The following FOXP1 variants were observed in gnomAD, a reference collection of about 807,000 sequenced individuals.
FOXP1 encodes forkhead box protein P1.
Under a neutral mutation model 98.2 loss-of-function variants are expected in FOXP1, and 15 were observed. The ratio of observed to expected loss-of-function variants is 0.15; its 90% CI spans 0.10 to 0.24. The LOEUF (loss-of-function observed/expected upper bound fraction) is 0.24, where lower values mean the gene tolerates loss of function less well. Ranked by LOEUF, FOXP1 falls within the 10% of genes least tolerant of loss-of-function variation. FOXP1 has a pLI of 1.00. For synonymous variants in FOXP1, 371 were observed against 314.5 expected (o/e 1.18, Z -1.90); for missense variants, 633 against 848.5 (o/e 0.75, Z 3.15).
Position 71,499,985 on chromosome 3 carries a change from C to T in FOXP1, c.-297-6430G>A, listed in dbSNP as rs147512784. On this transcript the variant is annotated intron_variant, in intron 2 of 20. Transcript: ENST00000649528. ...GCCCTAAATAAGCATCTGTCTTTAG[C>T]GCTAAGTTCTAATAAAGTTCTGGTA... Among the ~76,000 whole-genome samples, 785 of 152,216 alleles carry T rather than the reference C, an allele frequency of 5.2e-3. 5 individuals are homozygous for T. Among genetic ancestry groups the T allele is most frequent in the African/African-American group, 0.018 (739 of 41,520 alleles).
At chr3:71,391,092 G>C (rs572102090) in intron 3 of FOXP1, among the ~76,000 whole-genome samples, 3 of 152,296 alleles carry the variant, frequency 2.0e-5, no homozygotes, top group Non-Finnish European at 4.4e-5. Context: ...AGGAAATGAT[G>C]AATCTGTATG....
At chr3:71,033,551 G>A (rs774949739) in intron 11 of FOXP1, among the ~76,000 whole-genome samples, 1 of 133,048 alleles carries the variant, frequency 7.5e-6, no homozygotes, top group South Asian at 2.5e-4. Flanking sequence ...ACAGCTGTTA[G>A]AGAATAATGG....
At chr3:71,262,224 C>T (rs561084322) in intron 5 of FOXP1, among the ~76,000 whole-genome samples, 6 of 126,344 alleles carry the variant, frequency 4.7e-5, no homozygotes, top group African/African-American at 1.9e-4. Flanking sequence ...CAAGATTGCG[C>T]CACTGCACTC....
chr3:71,299,701 C>T (rs923539604), intron 5 of FOXP1, 119 bp downstream of exon 5: 1 of 152,562 alleles, frequency 6.6e-6, no homozygotes, highest in Non-Finnish European at 1.5e-5. Context: ...TATGTCCTTA[C>T]ACGCAAATAA....
chr3:70,958,177 C>CATTT lies in FOXP1; in HGVS notation c.*1066_*1069dup, dbSNP rs1416186565. The CATTT allele has an allele frequency of 7.9e-6, 3 of 379,708 alleles. No individual in the cohort carries two copies. Among genetic ancestry groups the CATTT allele is most frequent in the Non-Finnish European group, 1.5e-5 (3 of 201,038 alleles). 23.5% of individuals were successfully genotyped at this position (379,708 alleles called of 1,614,324 possible). A position where few individuals can be genotyped will look rare whatever the true frequency, so the allele number is the denominator to read the frequency against. On this transcript the variant is annotated 3_prime_UTR_variant, in exon 21 of 21. Transcript: ENST00000649528. ...TCCTTGTGCTGGTAGAATGTGGTGG[C>CATTT]ATTTATTAATGGTTGCTGCAAAAAA...
chr3:71,235,798 C>G (rs1424340193), intron 5 of FOXP1, among the ~76,000 whole-genome samples: 1 of 152,170 alleles, frequency 6.6e-6, no homozygotes. Context: ...TATCTCCTGA[C>G]CTCATGATCC....
intron 5 of FOXP1, among the ~76,000 whole-genome samples, chr3:71,267,866 A>C (rs556163940): frequency 6.6e-6 from 1 of 151,908 alleles, no homozygotes; most frequent in African/African-American, 2.4e-5. Context: ...ATAAACACGA[A>C]AATTAGCCAG....
At chr3:71,033,625 A>C (rs79448216) in intron 11 of FOXP1, among the ~76,000 whole-genome samples, 13 of 143,684 alleles carry the variant, frequency 9.0e-5, no homozygotes, top group East Asian at 6.0e-4. Context: ...AAAAAAAAAA[A>C]AACAACCCAT....
chr3:71,158,355 G>A (rs1158819611), intron 6 of FOXP1, among the ~76,000 whole-genome samples: 1 of 151,334 alleles, frequency 6.6e-6, no homozygotes, highest in Admixed American at 6.6e-5. Context: ...ATAATAAATA[G>A]TGCCCAGGGA....
At chr3:71,433,992 A>G (rs571900743) in intron 3 of FOXP1, among the ~76,000 whole-genome samples, 10 of 152,320 alleles carry the variant, frequency 6.6e-5, no homozygotes, top group Admixed American at 5.2e-4. Flanking sequence ...CTCAAGTTTT[A>G]GTTTCGAAAA....
intron 13 of FOXP1, among the ~76,000 whole-genome samples, chr3:70,997,468 ACT>A (rs1450300376): frequency 9.9e-5 from 15 of 152,064 alleles, no homozygotes; most frequent in Admixed American, 9.2e-4. Flanking sequence ...CAACTCAAAG[ACT>A]CTCAATCGAA....
chr3:71,068,298 A>G (rs1024120145), intron 7 of FOXP1, among the ~76,000 whole-genome samples: 25 of 152,352 alleles, frequency 1.6e-4, no homozygotes, highest in African/African-American at 5.8e-4. Flanking sequence ...ATCATGTATT[A>G]TATTTGGTTC....
At chr3:71,031,645 A>G (rs555473329) in intron 11 of FOXP1, among the ~76,000 whole-genome samples, 96 of 152,170 alleles carry the variant, frequency 6.3e-4, no homozygotes, top group Admixed American at 1.1e-3. Flanking sequence ...CTCTTCTTTC[A>G]TTTTAAGACT....
At chr3:71,456,529 T>C (rs1433957228) in intron 3 of FOXP1, among the ~76,000 whole-genome samples, 1 of 152,174 alleles carries the variant, frequency 6.6e-6, no homozygotes, top group Non-Finnish European at 1.5e-5. Flanking sequence ...GCCCTTCCTT[T>C]TCTCTCCTAG....
chr3:71,015,498 T>G lies in FOXP1; in HGVS notation c.974+51A>C, dbSNP rs186445662. ...CATTTTATGAGCAAAGCATGAACGG[T>G]GGGAGGTGTTGGCTATGTAAAAGAA... On this transcript the variant is annotated intron_variant, in intron 12 of 20. Transcript: ENST00000649528. The G allele has an allele frequency of 1.9e-4, 228 of 1,232,272 alleles. 1 individual carries two copies. Among genetic ancestry groups the G allele is most frequent in the Non-Finnish European group, 2.5e-4 (210 of 837,174 alleles). The allele number at this position is 1,232,272 out of a possible 1,614,324, so 76.3% of individuals were successfully genotyped here. A position where few individuals can be genotyped will look rare whatever the true frequency, so the allele number is the denominator to read the frequency against.
intron 2 of FOXP1, among the ~76,000 whole-genome samples, chr3:71,569,410 C>A (rs1354332853): frequency 6.6e-6 from 1 of 152,166 alleles, no homozygotes; most frequent in Non-Finnish European, 1.5e-5. Flanking sequence ...ATTACAAATG[C>A]AGAGACCATT....
upstream of FOXP1, chr3:71,583,796 G>T (rs1012944819): frequency 1.4e-5 from 14 of 986,758 alleles, no homozygotes; most frequent in Non-Finnish European, 1.7e-5. Flanking sequence ...CCGGAGCCCA[G>T]CCAGCGCCGG....
At chr3:71,327,564 T>C (rs527701131) in intron 4 of FOXP1, among the ~76,000 whole-genome samples, 5 of 151,262 alleles carry the variant, frequency 3.3e-5, no homozygotes, top group African/African-American at 4.8e-5. Context: ...ATTTTTTGTA[T>C]TTTTAGTAGA....
chr3:71,189,352 T>C (rs574679056), intron 6 of FOXP1, among the ~76,000 whole-genome samples: 16 of 152,348 alleles, frequency 1.1e-4, no homozygotes, highest in African/African-American at 3.4e-4. Context: ...GTACTTCCCA[T>C]GTGACTTTTG....
Sources: gnomAD v4.1 joint callset for allele counts (sites outside exome capture counted in the v4.1 genomes callset) on GRCh38, gnomAD v4.1.1 for gene constraint, MANE v1.5 for transcripts, NCBI Gene and HGNC (gene_info 2026-07-23, HGNC 2026-07-21) for gene names.